The following TSPAN11 variants were observed in gnomAD, a reference collection of about 807,000 sequenced individuals.
TSPAN11 encodes tetraspanin-11.
A neutral mutation model predicts 32.9 loss-of-function variants in TSPAN11; 29 were observed. The ratio of observed to expected loss-of-function variants is 0.88; its 90% confidence interval spans 0.66 to 1.20. The LOEUF is 1.20. TSPAN11 is among the 50% of genes most tolerant of loss of function. The pLI is 0.00. For synonymous variants in TSPAN11, 140 were observed against 141.3 expected (o/e 0.99, Z 0.07); for missense variants, 283 against 329.1 (o/e 0.86, Z 1.08).
intron 1 of TSPAN11, among the ~76,000 whole-genome samples, chr12:30,945,010 G>A (rs760462696): frequency 2.0e-5 from 3 of 152,182 alleles, no homozygotes; most frequent in Non-Finnish European, 2.9e-5. Flanking sequence ...GCCCTAACCC[G>A]AACCTGACTT....
intron 2 of TSPAN11, among the ~76,000 whole-genome samples, chr12:30,958,262 T>C (rs1362748335): frequency 6.6e-6 from 1 of 152,130 alleles, no homozygotes; most frequent in African/African-American, 2.4e-5. Context: ...CAAGGGCTCT[T>C]TAAAGCCAGA....
the TSPAN11 span, among the ~76,000 whole-genome samples, chr12:31,008,854 G>A: frequency 1.3e-5 from 2 of 152,204 alleles, no homozygotes; most frequent in Non-Finnish European, 2.9e-5. Context: ...ATTTCCCTGA[G>A]TTCCCTGTGC....
the TSPAN11 span, among the ~76,000 whole-genome samples, chr12:31,006,589 C>A: frequency 5.9e-5 from 9 of 152,220 alleles, no homozygotes; most frequent in African/African-American, 2.2e-4. Context: ...CTAGGATGAT[C>A]CTGTCTGGGC....
intron 7 of TSPAN11, among the ~76,000 whole-genome samples, chr12:30,991,014 T>G (rs1300029352): frequency 6.6e-6 from 1 of 152,128 alleles, no homozygotes; most frequent in Non-Finnish European, 1.5e-5. Flanking sequence ...GGAGGGCCCA[T>G]GAAGAGCAAG....
chr12:30,959,167 C>T (rs983440744), intron 2 of TSPAN11, among the ~76,000 whole-genome samples: 2 of 152,092 alleles, frequency 1.3e-5, no homozygotes, highest in Non-Finnish European at 2.9e-5. Context: ...GGGCGGCTCC[C>T]GGGTACCAGG....
chr12:31,004,711 T>C, the TSPAN11 span, among the ~76,000 whole-genome samples: 1 of 152,142 alleles, frequency 6.6e-6, no homozygotes, highest in African/African-American at 2.4e-5. Flanking sequence ...AGAGCCTGTC[T>C]CGAGAAGGCC....
rs575916142 is a variant in TSPAN11, at chr12:30,967,186, A to G, written c.276+3169A>G. Among the ~76,000 whole-genome samples the G allele has an allele frequency of 7.9e-5, 12 of 152,306 alleles. No homozygotes were observed. In the South Asian group the frequency reaches 2.5e-3, roughly 32 times the overall value. On this transcript the variant is annotated intron_variant, in intron 3 of 7. Transcript: ENST00000546076. Reference sequence around the variant, plus strand: ...CCCATTCCACACTTCCTCTTACACCATCTGTTCATGAGATCTGTCCAGACA... The same window carrying G: ...CCCATTCCACACTTCCTCTTACACCGTCTGTTCATGAGATCTGTCCAGACA...
chr12:30,978,482 A>AC, intron 3 of TSPAN11, 79 bp from the exon 4 acceptor site: 1 of 1,389,238 alleles, frequency 7.2e-7, no homozygotes, highest in Non-Finnish European at 1.0e-6. Flanking sequence ...TATCTCTACC[A>AC]CCCCCACCAC....
the TSPAN11 span, among the ~76,000 whole-genome samples, chr12:31,008,943 G>C: frequency 6.6e-6 from 1 of 152,140 alleles, no homozygotes; most frequent in African/African-American, 2.4e-5. Flanking sequence ...ACATCCTTGA[G>C]GTGGGTAAGC....
intron 7 of TSPAN11, among the ~76,000 whole-genome samples, chr12:30,987,592 G>C (rs921726217): frequency 2.6e-5 from 4 of 151,992 alleles, no homozygotes; most frequent in African/African-American, 9.7e-5. Context: ...GACAGAGTGA[G>C]ACTCCGTCTC....
intron 1 of TSPAN11, among the ~76,000 whole-genome samples, chr12:30,935,373 GT>G (rs35076467): frequency 0.63 from 76,106 of 120,754 alleles, 23,609 homozygotes; most frequent in East Asian, 0.81. Context: ...TGCTTTGTGG[GT>G]TTTTTTTTTT....
At chr12:30,936,158 C>T (rs1938040350) in intron 1 of TSPAN11, among the ~76,000 whole-genome samples, 1 of 148,936 alleles carries the variant, frequency 6.7e-6, no homozygotes, top group African/African-American at 2.6e-5. Context: ...TTGAGCCTGG[C>T]ACATACCTTC....
At chr12:30,982,874 T>C (rs1320610050) in intron 6 of TSPAN11, among the ~76,000 whole-genome samples, 184 bp downstream of exon 6, 1 of 152,208 alleles carries the variant, frequency 6.6e-6, no homozygotes, top group Admixed American at 6.5e-5. Flanking sequence ...AAGCAGCTCA[T>C]ACCGGAGAGT....
chr12:30,962,057 A>G (rs1168796112), intron 2 of TSPAN11, among the ~76,000 whole-genome samples: 1 of 152,072 alleles, frequency 6.6e-6, no homozygotes, highest in Non-Finnish European at 1.5e-5. Flanking sequence ...TTTTTGTACC[A>G]CTAAGAAAAA....
At chr12:30,970,218 C>T (rs1938820162) in intron 3 of TSPAN11, among the ~76,000 whole-genome samples, 2 of 152,322 alleles carry the variant, frequency 1.3e-5, no homozygotes, top group South Asian at 2.1e-4. Flanking sequence ...TGTGCCGTGT[C>T]TCCCTGTTGG....
intron 7 of TSPAN11, among the ~76,000 whole-genome samples, chr12:30,986,366 T>C (rs35083): frequency 0.37 from 55,900 of 152,036 alleles, 10,782 homozygotes; most frequent in East Asian, 0.6. Context: ...AATGGACAGA[T>C]TGGATATTTG....
Position 30,940,310 on chromosome 12 carries a change from C to CTTCA in TSPAN11, c.-12+13531_-12+13534dup, listed in dbSNP as rs200320774. ...ACATGGCTCCTTAATGCATTCCTTC[C>CTTCA]TTCATTCATTCATTCATTCAGCATC... On this transcript the variant is annotated intron_variant, in intron 1 of 7. Transcript: ENST00000546076. 7.9e-5 allele frequency among the ~76,000 whole-genome samples: 12 copies of CTTCA among 152,208 alleles called. 1 individual carries two copies. Among genetic ancestry groups the CTTCA allele is most frequent in the East Asian group, 5.8e-4 (3 of 5,174 alleles).
Position 30,963,811 on chromosome 12 carries a change from G to A in TSPAN11, c.85-15G>A, listed in dbSNP as rs371609745. On this transcript the variant is annotated splice_polypyrimidine_tract_variant and intron_variant, in intron 2 of 7. Coordinates refer to ENST00000546076, the MANE Select transcript of TSPAN11 (RefSeq NM_001370302.1). The stretch of plus-strand genomic sequence containing the variant: ...CCCCCGCCACCCCCTGCTCTAACCC[G>A]GTGGTCTCCTGCAGGTCGGGGGAGC... 1.1e-5 allele frequency: 18 copies of A among 1,603,324 alleles called. No homozygotes were observed. Among genetic ancestry groups the A allele is most frequent in the South Asian group, 3.3e-5 (3 of 90,788 alleles).
At chr12:30,984,163 TC>T (rs1939153442) in intron 7 of TSPAN11, among the ~76,000 whole-genome samples, 1 of 152,158 alleles carries the variant, frequency 6.6e-6, no homozygotes, top group African/African-American at 2.4e-5. Flanking sequence ...GGGCTGTCCT[TC>T]TAGGAGTCTT....
Sources: gnomAD v4.1 joint callset for allele counts (sites outside exome capture counted in the v4.1 genomes callset) on GRCh38, gnomAD v4.1.1 for gene constraint, MANE v1.5 for transcripts, NCBI Gene and HGNC (gene_info 2026-07-23, HGNC 2026-07-21) for gene names.